Variants in COMP observed in about 807,000 individuals in gnomAD.
The protein encoded by COMP is cartilage oligomeric matrix protein (pseudoachondroplasia, epiphyseal dysplasia 1, multiple).
A neutral mutation model predicts 95.8 loss-of-function variants in COMP; 79 were observed. The observed-to-expected ratio is 0.82, with a 90% CI of 0.69 to 0.99. COMP has a LOEUF of 0.99. COMP is among the 50% of genes least tolerant of loss of function. COMP has a pLI of 0.00. For missense variants in COMP, 906 were observed against 1,076.1 expected, an observed-to-expected ratio of 0.84 and a Z score of 2.21; for synonymous variants, 438 against 433.9, an observed-to-expected ratio of 1.01 and a Z score of -0.12.
In COMP at chr19:18,784,269, TCC is replaced by T; in HGVS notation, c.2007_2008del (p.Asp670ProfsTer31). 6.2e-7 allele frequency: 1 copy of T among 1,613,878 alleles called. No homozygotes were observed. The highest frequency in any genetic ancestry group is 8.5e-7 in the Non-Finnish European group (1 of 1,179,996). On this transcript the variant is annotated frameshift_variant, in exon 17 of 19. Transcript: ENST00000222271. LOFTEE classifies it high-confidence loss of function. This position sits in a 1 kb window ranked among gnomAD's most constrained non-coding sequence, Gnocchi z 4.9. ...GTCCTTCCAACCCACGTTTCGCGGGTCCTTCCACAGCAGCCGCACCTGGGACT... is the reference window on the plus strand; with the variant it reads ...GTCCTTCCAACCCACGTTTCGCGGGTTTCCACAGCAGCCGCACCTGGGACT...
rs766383824 is a variant in COMP at position 18,789,249 on chromosome 19, G to A, written c.439C>T (p.Pro147Ser). 1.3e-6 allele frequency: 2 copies of A among 1,525,612 alleles called. No homozygotes were observed. Among genetic ancestry groups the A allele is most frequent in the Non-Finnish European group, 8.7e-7 (1 of 1,143,898 alleles). 94.5% of individuals were successfully genotyped at this position (1,525,612 alleles called of 1,614,324 possible). A position where few individuals can be genotyped will look rare whatever the true frequency, so the allele number is the denominator to read the frequency against. The change falls in exon 5 of 19, where the codon CCG becomes TCG. Residue 147 changes from proline (P) to serine (S), a missense_variant. Transcript: ENST00000222271. This position sits in a 1 kb window ranked among gnomAD's most constrained non-coding sequence, Gnocchi z 6.1. ...FPRVRCINTS[P>S]GFRCEACPPG... is the part of the protein sequence containing the mutation. ...GGGCAAGCCTCGCAGCGGAACCCCG[G>A]GCTGGTGTTGATACAGCGGACTCGG...
Position 18,789,076 on chromosome 19 carries a change from G to T in COMP, c.528+84C>A, listed in dbSNP as rs1403813515. The T allele has an allele frequency of 1.9e-6, 3 of 1,553,052 alleles. No homozygotes were observed. The African/African-American group carries it at 4.1e-5, about 21-fold the overall frequency. The stretch of plus-strand genomic sequence containing the variant: ...CTCTCCCCACCCCTCCCGCTGGAAG[G>T]AGGCTGGAAGAGGAGTTTACTGGTA... On this transcript the variant is annotated intron_variant, in intron 5 of 18. Transcript: ENST00000222271. The surrounding 1 kb of genome is among the most constrained non-coding windows in gnomAD (Gnocchi z 6.1).
At chr19:18,783,227 T>G in intron 17 of COMP, 34 bp from the exon 18 acceptor site, 1 of 1,602,156 alleles carries the variant, frequency 6.2e-7, no homozygotes, top group Non-Finnish European at 8.5e-7. Context: ...CTGGGGGACC[T>G]GGGCCAGACC....
In COMP at chr19:18,786,572, T is replaced by C; in HGVS notation, c.1214A>G (p.Asp405Gly). ...CTTCTGGGGACAGTTGTCACAGGCA[T>C]CCCCTATACCATCGCCATCACTGTC... ...QKDSDGDGIG[D>G]ACDNCPQKSN... The change falls in exon 11 of 19, where the codon GAT (aspartate) becomes GGT (glycine). Residue 405 changes from aspartate (D) to glycine (G), a missense_variant. Transcript: ENST00000222271. 1 of 1,614,046 alleles carries C rather than the reference T, an allele frequency of 6.2e-7. No individual in the cohort carries two copies. The highest frequency in any genetic ancestry group is 8.5e-7 in the Non-Finnish European group (1 of 1,179,990).
chr19:18,783,340 G>T, intron 17 of COMP, 147 bp from the exon 18 acceptor site: 2 of 1,177,110 alleles, frequency 1.7e-6, no homozygotes, highest in Non-Finnish European at 2.4e-6. Flanking sequence ...CAGTTTCCTG[G>T]TGTGGTGGAC....
intron 9 of COMP, 131 bp from the exon 10 acceptor site, chr19:18,787,781 A>T (rs1216220548): frequency 3.3e-6 from 4 of 1,200,962 alleles, no homozygotes; most frequent in African/African-American, 1.5e-5. Flanking sequence ...CACGGAGGCC[A>T]CGCCCCTCAT....
In COMP at chr19:18,782,809, C is replaced by T. The variant is rs2055132877; in HGVS notation, c.*106G>A. 2 of 1,272,106 alleles carry T rather than the reference C, an allele frequency of 1.6e-6. No homozygotes were observed. Among genetic ancestry groups the T allele is most frequent in the Non-Finnish European group, 2.3e-6 (2 of 888,350 alleles). 78.8% of individuals were successfully genotyped at this position (1,272,106 alleles called of 1,614,324 possible). On this transcript the variant is annotated 3_prime_UTR_variant, in exon 19 of 19. Transcript: ENST00000222271. Reference sequence around the variant, plus strand: ...ACACTTTATTTTGTCCTCTCTGAGCCCTTCTCACTTCCCCCTCAGGACGGC... The same window carrying T: ...ACACTTTATTTTGTCCTCTCTGAGCTCTTCTCACTTCCCCCTCAGGACGGC...
In COMP at chr19:18,790,121, G is replaced by C. The variant is rs554031979; in HGVS notation, c.218-7C>G. 800 of 1,523,374 alleles carry C rather than the reference G, an allele frequency of 5.3e-4. 1 individual carries two copies. The highest frequency in any genetic ancestry group is 7.6e-4 in the Admixed American group (38 of 49,918). The allele number at this position is 1,523,374 out of a possible 1,614,324, so 94.4% of individuals were successfully genotyped here. A position where few individuals can be genotyped will look rare whatever the true frequency, so the allele number is the denominator to read the frequency against. On this transcript the variant is annotated splice_polypyrimidine_tract_variant and splice_region_variant and intron_variant, in intron 3 of 18. Coordinates refer to ENST00000222271, the MANE Select transcript of COMP (RefSeq NM_000095.3). ...CGTACTGACTGCTGCATCCCTGCGG[G>C]GGGGAGGGGGGAGAAGCGGCGGGGC...
Position 18,785,969 on chromosome 19 carries a change from C to T in COMP, c.1485G>A (p.Ala495=), listed in dbSNP as rs780728105. Residue 495 remains alanine (A), a synonymous_variant, in exon 13 of 19, where the codon GCG becomes GCA. Transcript: ENST00000222271. Reference sequence around the variant, plus strand: ...CAGGCCCCGCCCCCGCCGTACTGTCCGCGTCCTCCTGGCCGGGGTTAGGCA... The same window carrying T: ...CAGGCCCCGCCCCCGCCGTACTGTCTGCGTCCTCCTGGCCGGGGTTAGGCA... ...RLVPNPGQED[A]DRDGVGDVCQ... is the part of the protein sequence containing the mutation. 4 of 1,608,676 alleles carry T rather than the reference C, an allele frequency of 2.5e-6. No homozygotes were observed. Among genetic ancestry groups the T allele is most frequent in the African/African-American group, 1.3e-5 (1 of 74,830 alleles).
chr19:18,784,519 G>A lies in COMP; in HGVS notation c.1915-156C>T, dbSNP rs968037255. Among the ~76,000 whole-genome samples, 1 of 152,156 alleles carries A rather than the reference G, an allele frequency of 6.6e-6. No homozygotes were observed. Among genetic ancestry groups the A allele is most frequent in the African/African-American group, 2.4e-5 (1 of 41,416 alleles). ...GGAAGCCTTCTTCAGGGGCCAAATGGCAGCTTGGGGATAGGTCACAGGGGG... is the reference window on the plus strand; with the variant it reads ...GGAAGCCTTCTTCAGGGGCCAAATGACAGCTTGGGGATAGGTCACAGGGGG... On this transcript the variant is annotated intron_variant, in intron 16 of 18. Transcript: ENST00000222271. This position sits in a 1 kb window ranked among gnomAD's most constrained non-coding sequence, Gnocchi z 4.9.
In COMP at chr19:18,784,213, G is replaced by C. The variant is rs765278469; in HGVS notation, c.2065C>G (p.Arg689Gly). Residue 689 changes from arginine to glycine, a missense_variant, in exon 17 of 19, where the codon CGG (arginine) becomes GGG (glycine). Transcript: ENST00000222271. This position sits in a 1 kb window ranked among gnomAD's most constrained non-coding sequence, Gnocchi z 4.9. Reference protein sequence around the residue: ...KKSYRWFLQHRPQVGYIRVRF... With the variant: ...KKSYRWFLQHGPQVGYIRVRF... ...CACCTGATGTAGCCCACTTGGGGCC[G>C]GTGCTGCAGGAACCAACGATAGGAC... 1.2e-6 allele frequency: 2 copies of C among 1,613,772 alleles called. No individual in the cohort carries two copies. Among genetic ancestry groups the C allele is most frequent in the East Asian group, 2.2e-5 (1 of 44,884 alleles).
At chr19:18,785,444 C>T in intron 15 of COMP, 54 bp downstream of exon 15, 1 of 1,606,970 alleles carries the variant, frequency 6.2e-7, no homozygotes, top group Non-Finnish European at 8.5e-7. Context: ...CCTTCTCTGG[C>T]CCCTCTCCCT....
Position 18,784,385 on chromosome 19 carries a change from G to T in COMP, c.1915-22C>A, listed in dbSNP as rs1263893523. The T allele has an allele frequency of 2.5e-6, 4 of 1,613,600 alleles. No homozygotes were observed. Among genetic ancestry groups the T allele is most frequent in the African/African-American group, 1.3e-5 (1 of 75,018 alleles). ...CAGCCTGCCAATACCCAGGAAAGGT[G>T]GTCAGAGACCTCGTGGGCCACCGGA... is the stretch of plus-strand genomic sequence containing the variant. On this transcript the variant is annotated intron_variant, in intron 16 of 18. Transcript: ENST00000222271. The surrounding 1 kb of genome is among the most constrained non-coding windows in gnomAD (Gnocchi z 4.9).
chr19:18,789,898 G>T lies in COMP; in HGVS notation c.390+44C>A. The T allele has an allele frequency of 6.3e-7, 1 of 1,589,486 alleles. No homozygotes were observed. Among genetic ancestry groups the T allele is most frequent in the Non-Finnish European group, 8.5e-7 (1 of 1,175,552 alleles). ...CCGGGCGGCGAGAGATTGGGGGGCG[G>T]TAGAGGGAGTCGTCAGGGCGGTGGA... On this transcript the variant is annotated intron_variant, in intron 4 of 18. Coordinates refer to ENST00000222271, the MANE Select transcript of COMP (RefSeq NM_000095.3). The surrounding 1 kb of genome is among the most constrained non-coding windows in gnomAD (Gnocchi z 6.1).
In COMP at chr19:18,789,186, G is replaced by T; in HGVS notation, c.502C>A (p.Leu168Met). Residue 168 changes from leucine (L) to methionine (M), a missense_variant, in exon 5 of 19, where the codon CTG becomes ATG. Transcript: ENST00000222271. The surrounding 1 kb of genome is among the most constrained non-coding windows in gnomAD (Gnocchi z 6.1). ...TGCTTGTTGGCCTTGGCGAAAGCCA[G>T]CCCCACGCCCTGGTGGGTGGGGCCG... ...YSGPTHQGVGLAFAKANKQVC... is the reference protein window; with the variant it reads ...YSGPTHQGVGMAFAKANKQVC... 1 of 1,573,926 alleles carries T rather than the reference G, an allele frequency of 6.4e-7. No individual in the cohort carries two copies. Among genetic ancestry groups the T allele is most frequent in the Non-Finnish European group, 8.6e-7 (1 of 1,165,568 alleles).
In COMP at chr19:18,785,698, T is replaced by G. The variant is rs1479180690; in HGVS notation, c.1643A>C (p.Asp548Ala). 3 of 1,613,168 alleles carry G rather than the reference T, an allele frequency of 1.9e-6. No individual in the cohort carries two copies. In the South Asian group the frequency reaches 3.3e-5, roughly 18 times the overall value. The change falls in exon 14 of 19, where the codon GAC becomes GCC. Residue 548 changes from aspartate (D) to alanine (A), a missense_variant. Coordinates refer to ENST00000222271, the MANE Select transcript of COMP (RefSeq NM_000095.3). Reference protein sequence around the residue: ...VLDPEGDAQIDPNWVVLNQGR... With the variant: ...VLDPEGDAQIAPNWVVLNQGR... ...CTGGTTGAGCACCACCCAGTTGGGG[T>G]CAATCTGCGCGTCACCCTCCGGGTC...
At chr19:18,783,705 G>A (rs1483760898) in intron 17 of COMP, among the ~76,000 whole-genome samples, 1 of 151,690 alleles carries the variant, frequency 6.6e-6, no homozygotes, top group African/African-American at 2.4e-5. Flanking sequence ...CGCTTCCCGA[G>A]TTCAAGCGAT....
At chr19:18,785,615 A>T (rs978668554) in intron 14 of COMP, 58 bp downstream of exon 14, 35 of 1,613,516 alleles carry the variant, frequency 2.2e-5, no homozygotes, top group Non-Finnish European at 2.9e-5. Flanking sequence ...TCCTCAGCAT[A>T]GGCCTCACTG....
At chr19:18,787,034 G>A (rs1047565601) in intron 10 of COMP, 1 of 341,746 alleles carries the variant, frequency 2.9e-6, no homozygotes, top group Non-Finnish European at 5.5e-6. Context: ...GCTTCCCAAA[G>A]TTCTGGAATT....
Sources: gnomAD v4.1 joint callset for allele counts (sites outside exome capture counted in the v4.1 genomes callset) on GRCh38, gnomAD v4.1.1 for gene constraint, Gnocchi (gnomAD v3.1) non-coding constraint, MANE v1.5 for transcripts, NCBI Gene and HGNC (gene_info 2026-07-23, HGNC 2026-07-21) for gene names.